Variants in DPP6 observed in about 807,000 individuals in gnomAD.
DPP6 encodes dipeptidyl peptidase like 6.
Under a neutral mutation model 122.6 loss-of-function variants are expected in DPP6, and 69 were observed. That is an observed-to-expected ratio of 0.56 (90% CI 0.46 to 0.69). The LOEUF is 0.69. Among genes scored for constraint, DPP6 ranks in the 30% least tolerant of loss-of-function variants. The pLI is 0.00. For synonymous variants in DPP6, 418 were observed against 433.1 expected (o/e 0.97, Z 0.43); for missense variants, 928 against 1,116.9 (o/e 0.83, Z 2.41).
chr7:154,080,765 G>A (rs1365810904), intron 1 of DPP6, among the ~76,000 whole-genome samples: 1 of 151,710 alleles, frequency 6.6e-6, no homozygotes, highest in African/African-American at 2.4e-5. Flanking sequence ...AACATGCAGT[G>A]GAAATATCCA....
chr7:153,910,961 A>T (rs1800065702), intron 1 of DPP6, among the ~76,000 whole-genome samples: 1 of 152,144 alleles, frequency 6.6e-6, no homozygotes, highest in Non-Finnish European at 1.5e-5. Context: ...CCCTGCTTCC[A>T]CTTTGGGTCA....
intron 1 of DPP6, among the ~76,000 whole-genome samples, chr7:154,198,778 C>T (rs922064872): frequency 6.6e-6 from 1 of 152,124 alleles, no homozygotes; most frequent in Admixed American, 6.6e-5. Context: ...GAGCCTCTCT[C>T]CTCTGTTTTG....
chr7:154,436,794 C>T (rs958577793), intron 1 of DPP6, among the ~76,000 whole-genome samples: 3 of 152,180 alleles, frequency 2.0e-5, no homozygotes, highest in Non-Finnish European at 2.9e-5. Context: ...TTGAGTTATG[C>T]AGCATCCTGG....
intron 1 of DPP6, among the ~76,000 whole-genome samples, chr7:154,135,226 A>G (rs1795486695): frequency 1.3e-5 from 2 of 149,694 alleles, no homozygotes; most frequent in South Asian, 2.1e-4. Flanking sequence ...TTATACTTCT[A>G]TGAGCCCATA....
intron 1 of DPP6, among the ~76,000 whole-genome samples, chr7:154,326,907 G>A (rs1215017744): frequency 6.6e-6 from 1 of 152,202 alleles, no homozygotes; most frequent in African/African-American, 2.4e-5. Flanking sequence ...AAAGGGAGGT[G>A]ATTGGTCTTG....
At chr7:154,661,054 G>A (rs372370498) in intron 6 of DPP6, among the ~76,000 whole-genome samples, 82 of 22,694 alleles carry the variant, frequency 3.6e-3, no homozygotes, top group South Asian at 0.013. Flanking sequence ...TCACCATGGC[G>A]TATTGGCCGT....
the DPP6 span, among the ~76,000 whole-genome samples, chr7:153,864,243 T>G: frequency 6.6e-6 from 1 of 152,206 alleles, no homozygotes; most frequent in East Asian, 1.9e-4. Flanking sequence ...TTGCATCACT[T>G]GTTATTATCT....
intron 1 of DPP6, among the ~76,000 whole-genome samples, chr7:154,439,289 G>A (rs947498665): frequency 3.9e-5 from 6 of 152,222 alleles, no homozygotes; most frequent in South Asian, 4.1e-4. Flanking sequence ...GCTTTAAGAC[G>A]CTGTTATCAT....
At chr7:154,438,490 A>G (rs1200697838) in intron 1 of DPP6, among the ~76,000 whole-genome samples, 2 of 148,040 alleles carry the variant, frequency 1.4e-5, no homozygotes, top group African/African-American at 2.5e-5. Context: ...AAAAAAAAAA[A>G]AAAAAAAGAA....
the DPP6 span, among the ~76,000 whole-genome samples, chr7:153,751,167 AG>A: frequency 6.7e-6 from 1 of 149,588 alleles, no homozygotes; most frequent in Non-Finnish European, 1.5e-5. Flanking sequence ...GTTTTGGAAC[AG>A]TTGTTTTTCC....
At chr7:153,902,026 A>G (rs933704058) in intron 1 of DPP6, among the ~76,000 whole-genome samples, 2 of 152,240 alleles carry the variant, frequency 1.3e-5, no homozygotes, top group Non-Finnish European at 2.9e-5. Flanking sequence ...TATAATTGAA[A>G]ACAAAATCTT....
intron 3 of DPP6, among the ~76,000 whole-genome samples, chr7:154,496,097 A>G (rs373229589): frequency 6.0e-4 from 92 of 152,358 alleles, no homozygotes; most frequent in African/African-American, 2.1e-3. Context: ...ATATCTTAAG[A>G]GTTGGAGGTT....
At chr7:154,516,255 C>T (rs956058152) in intron 3 of DPP6, among the ~76,000 whole-genome samples, 32 of 137,466 alleles carry the variant, frequency 2.3e-4, no homozygotes, top group African/African-American at 6.4e-4. Flanking sequence ...ATACCTACTC[C>T]GAACTCTGCT....
intron 20 of DPP6, chr7:154,876,366 G>GTTGGC (rs1804857664): frequency 1.9e-6 from 1 of 524,196 alleles, no homozygotes; most frequent in South Asian, 7.8e-5. Flanking sequence ...TGCCGGTTGG[G>GTTGGC]TTGGCTTGGC....
chr7:153,799,659 G>A, the DPP6 span, among the ~76,000 whole-genome samples: 1 of 152,136 alleles, frequency 6.6e-6, no homozygotes, highest in Admixed American at 6.5e-5. Context: ...AGCAAGCTTA[G>A]TTCTGCAAAA....
chr7:154,862,750 G>A (rs1442127255), intron 17 of DPP6, among the ~76,000 whole-genome samples: 1 of 152,138 alleles, frequency 6.6e-6, no homozygotes, highest in Non-Finnish European at 1.5e-5. Context: ...ACCTGCCATG[G>A]GCCCAGCATG....
intron 4 of DPP6, among the ~76,000 whole-genome samples, chr7:154,552,054 C>T (rs574834804): frequency 6.6e-6 from 1 of 152,264 alleles, no homozygotes; most frequent in African/African-American, 2.4e-5. Context: ...CAAAGGGTCC[C>T]CATTTTGGGT....
chr7:153,885,803 C>T (rs2128990636), upstream of DPP6, among the ~76,000 whole-genome samples: 1 of 152,288 alleles, frequency 6.6e-6, no homozygotes, highest in Non-Finnish European at 1.5e-5. Context: ...ACTTACCTCT[C>T]TCAAGCCCAA....
chr7:154,800,158 T>C (rs1350406867), intron 12 of DPP6, among the ~76,000 whole-genome samples: 2 of 152,254 alleles, frequency 1.3e-5, no homozygotes, highest in Non-Finnish European at 2.9e-5. Context: ...CCATTTCCTC[T>C]GCTTTTAAAT....
Sources: gnomAD v4.1 joint callset for allele counts (sites outside exome capture counted in the v4.1 genomes callset) on GRCh38, gnomAD v4.1.1 for gene constraint, MANE v1.5 for transcripts, NCBI Gene and HGNC (gene_info 2026-07-23, HGNC 2026-07-21) for gene names.